GRID2: variants seen among roughly 807,000 people sequenced by gnomAD.
The protein encoded by GRID2 is glutamate receptor ionotropic, delta-2.
Under a neutral mutation model 114.8 loss-of-function variants are expected in GRID2, and 33 were observed. That is an observed-to-expected ratio of 0.29 (90% confidence interval 0.22 to 0.38). GRID2 has a LOEUF of 0.38. Ranked by LOEUF, GRID2 falls within the 10% of genes least tolerant of loss-of-function variation. The pLI is 1.00. For synonymous variants in GRID2, 505 were observed against 449.9 expected, an observed-to-expected ratio of 1.12 and a Z score of -1.55; for missense variants, 1,184 against 1,257.7, an observed-to-expected ratio of 0.94 and a Z score of 0.89.
intron 1 of GRID2, among the ~76,000 whole-genome samples, chr4:92,580,148 C>T (rs1341088427): frequency 6.6e-6 from 1 of 150,818 alleles, no homozygotes; most frequent in Admixed American, 6.6e-5. Flanking sequence ...AAACTCATGT[C>T]TCCTTTACAG....
At chr4:93,006,233 T>C (rs530640772) in intron 2 of GRID2, among the ~76,000 whole-genome samples, 1 of 152,200 alleles carries the variant, frequency 6.6e-6, no homozygotes, top group South Asian at 2.1e-4. Flanking sequence ...CAGCAAAGTA[T>C]ATAAATGACA....
At chr4:93,345,226 C>T (rs931822758) in intron 8 of GRID2, among the ~76,000 whole-genome samples, 2 of 151,886 alleles carry the variant, frequency 1.3e-5, no homozygotes, top group Admixed American at 6.6e-5. Context: ...TTTGGGGAAA[C>T]TTTTTATTGT....
At chr4:93,566,527 TGC>T (rs1735437700) in intron 13 of GRID2, among the ~76,000 whole-genome samples, 1 of 152,166 alleles carries the variant, frequency 6.6e-6, no homozygotes, top group Admixed American at 6.6e-5. Context: ...CCCAACACTT[TGC>T]AAGGCTGAGG....
intron 8 of GRID2, among the ~76,000 whole-genome samples, chr4:93,273,167 A>T (rs1050266301): frequency 1.3e-4 from 20 of 152,230 alleles, no homozygotes; most frequent in Non-Finnish European, 4.4e-5. Context: ...TGCCTGCAGA[A>T]GGCAGGATCT....
At chr4:93,554,072 A>G (rs532015574) in intron 13 of GRID2, among the ~76,000 whole-genome samples, 11 of 152,332 alleles carry the variant, frequency 7.2e-5, no homozygotes, top group African/African-American at 2.4e-4. Context: ...CTGTTACAGT[A>G]GTGAGATTCA....
chr4:92,445,769 A>G (rs1459743396), intron 1 of GRID2, among the ~76,000 whole-genome samples: 3 of 152,166 alleles, frequency 2.0e-5, no homozygotes, highest in African/African-American at 4.8e-5. Flanking sequence ...CTATGTTGTA[A>G]TTTATTTATT....
chr4:93,488,008 CAA>C (rs1343224266), intron 11 of GRID2, among the ~76,000 whole-genome samples: 1 of 151,848 alleles, frequency 6.6e-6, no homozygotes, highest in East Asian at 1.9e-4. Flanking sequence ...ATTTTTATAA[CAA>C]AGATTAAAAA....
intron 1 of GRID2, among the ~76,000 whole-genome samples, chr4:92,478,282 T>A (rs1722412092): frequency 6.6e-6 from 1 of 152,076 alleles, no homozygotes; most frequent in African/African-American, 2.4e-5. Flanking sequence ...ATCTTCTTAG[T>A]CTGATTGTTT....
At chr4:93,196,107 T>C (rs573190526) in intron 4 of GRID2, among the ~76,000 whole-genome samples, 1 of 152,140 alleles carries the variant, frequency 6.6e-6, no homozygotes, top group South Asian at 2.1e-4. Flanking sequence ...CCTAGTGAAA[T>C]AACTCAGGCA....
intron 2 of GRID2, among the ~76,000 whole-genome samples, chr4:92,857,492 A>C (rs935079157): frequency 1.3e-5 from 2 of 152,204 alleles, no homozygotes; most frequent in African/African-American, 4.8e-5. Flanking sequence ...AGAAGACCAA[A>C]GCAGCCACAG....
At chr4:93,068,265 G>C (rs1324777643) in intron 2 of GRID2, among the ~76,000 whole-genome samples, 1 of 151,968 alleles carries the variant, frequency 6.6e-6, no homozygotes, top group African/African-American at 2.4e-5. Flanking sequence ...GTTTTAATTT[G>C]TGACTAGCAA....
intron 13 of GRID2, among the ~76,000 whole-genome samples, chr4:93,522,311 G>C (rs1730419206): frequency 6.6e-6 from 1 of 152,168 alleles, no homozygotes; most frequent in African/African-American, 2.4e-5. Flanking sequence ...AGGAATGGCT[G>C]TCCTGGAGAA....
chr4:93,690,001 C>T (rs1303606002), intron 14 of GRID2, among the ~76,000 whole-genome samples: 3 of 151,992 alleles, frequency 2.0e-5, no homozygotes, highest in African/African-American at 7.2e-5. Flanking sequence ...TTATTTTATT[C>T]TGGAATGTGT....
chr4:92,467,665 G>C (rs1169639932), intron 1 of GRID2, among the ~76,000 whole-genome samples: 2 of 151,974 alleles, frequency 1.3e-5, no homozygotes, highest in Non-Finnish European at 2.9e-5. Context: ...GTATGGAAAA[G>C]CATCTCTTCT....
intron 4 of GRID2, among the ~76,000 whole-genome samples, chr4:93,188,316 A>G (rs1200589717): frequency 6.6e-6 from 1 of 152,124 alleles, no homozygotes; most frequent in Non-Finnish European, 1.5e-5. Context: ...AGATGCCATC[A>G]TTGTTTACCA....
At chr4:92,634,407 A>T (rs906610404) in intron 2 of GRID2, among the ~76,000 whole-genome samples, 2 of 152,112 alleles carry the variant, frequency 1.3e-5, no homozygotes, top group African/African-American at 4.8e-5. Context: ...AAAGTACTGC[A>T]TTTGCTTAAC....
chr4:92,502,598 G>C (rs910168189), intron 1 of GRID2, among the ~76,000 whole-genome samples: 27 of 148,756 alleles, frequency 1.8e-4, no homozygotes, highest in African/African-American at 6.7e-4. Flanking sequence ...ATTAAATTTT[G>C]ATACAAAGAT....
Position 92,717,980 on chromosome 4 carries a change from T to C in GRID2, c.244+127694T>C, listed in dbSNP as rs77887334. Among the ~76,000 whole-genome samples, 135 of 152,284 alleles carry C rather than the reference T, an allele frequency of 8.9e-4. 2 individuals carry two copies. The East Asian group carries it at 0.021, about 24-fold the overall frequency. On this transcript the variant is annotated intron_variant, in intron 2 of 15. Coordinates refer to ENST00000282020, the MANE Select transcript of GRID2 (RefSeq NM_001510.4). The stretch of plus-strand genomic sequence containing the variant: ...TTTATAGAGAAATATAAGGATCCCA[T>C]TTTTCATACAAAATTATAGTATATT...
At chr4:92,842,007 A>G (rs1742933858) in intron 2 of GRID2, among the ~76,000 whole-genome samples, 1 of 152,256 alleles carries the variant, frequency 6.6e-6, no homozygotes, top group Admixed American at 6.5e-5. Context: ...TGGAGAAGTT[A>G]CTACCAAATT....
Sources: gnomAD v4.1 joint callset for allele counts (sites outside exome capture counted in the v4.1 genomes callset) on GRCh38, gnomAD v4.1.1 for gene constraint, MANE v1.5 for transcripts, NCBI Gene and HGNC (gene_info 2026-07-23, HGNC 2026-07-21) for gene names.